LSAMP: variants seen among roughly 807,000 people sequenced by gnomAD.
LSAMP encodes limbic system associated membrane protein.
Under a neutral mutation model 38.6 loss-of-function variants are expected in LSAMP, and 7 were observed. The ratio of observed to expected loss-of-function variants is 0.18; its 90% CI spans 0.10 to 0.34. The LOEUF (loss-of-function observed/expected upper bound fraction) is 0.34, where lower values mean the gene tolerates loss of function less well. LSAMP is among the 10% of genes least tolerant of loss of function. The probability of loss-of-function intolerance (pLI) is 1.00; values close to 1 mark genes in which losing one functional copy is unlikely to be tolerated. For missense variants in LSAMP, 313 were observed against 420.0 expected (o/e 0.75, Z 2.23); for synonymous variants, 154 against 166.8 (o/e 0.92, Z 0.59).
intron 3 of LSAMP, among the ~76,000 whole-genome samples, chr3:115,949,210 G>A (rs1323635557): frequency 6.6e-6 from 1 of 152,164 alleles, no homozygotes; most frequent in Non-Finnish European, 1.5e-5. Context: ...AGTGAGCCAA[G>A]ATTGGGCCAC....
At chr3:116,145,453 T>C (rs1327120253) in intron 1 of LSAMP, among the ~76,000 whole-genome samples, 1 of 151,966 alleles carries the variant, frequency 6.6e-6, no homozygotes, top group Non-Finnish European at 1.5e-5. Context: ...AATGCTGTAG[T>C]TGTGAGTCCA....
At chr3:116,116,465 G>A (rs1708747957) in intron 1 of LSAMP, among the ~76,000 whole-genome samples, 1 of 150,660 alleles carries the variant, frequency 6.6e-6, no homozygotes, top group Admixed American at 6.6e-5. Flanking sequence ...GGGAGGCCGA[G>A]GCAGGCGGGT....
intron 1 of LSAMP, among the ~76,000 whole-genome samples, chr3:116,158,341 T>C (rs1266625814): frequency 6.6e-6 from 1 of 152,148 alleles, no homozygotes; most frequent in Middle Eastern, 3.4e-3. Flanking sequence ...CCTAGTACTA[T>C]AAGTCCTCTC....
At chr3:116,305,423 T>C (rs1339336703) in intron 1 of LSAMP, among the ~76,000 whole-genome samples, 2 of 152,254 alleles carry the variant, frequency 1.3e-5, no homozygotes, top group East Asian at 3.9e-4. Context: ...TGAGGCAAGA[T>C]GCCCTTGAAC....
intron 1 of LSAMP, among the ~76,000 whole-genome samples, chr3:116,147,883 A>C (rs1243853888): frequency 1.3e-5 from 2 of 151,936 alleles, no homozygotes; most frequent in Non-Finnish European, 2.9e-5. Flanking sequence ...CAATTGCAAA[A>C]TAGGAAAAAT....
At chr3:116,272,419 C>T (rs951319008) in intron 1 of LSAMP, among the ~76,000 whole-genome samples, 2 of 152,114 alleles carry the variant, frequency 1.3e-5, no homozygotes, top group African/African-American at 2.4e-5. Context: ...TTGCACTTAT[C>T]GAAGCACTGA....
chr3:116,335,412 T>C (rs2047905710), intron 1 of LSAMP, among the ~76,000 whole-genome samples: 1 of 151,976 alleles, frequency 6.6e-6, no homozygotes, highest in Non-Finnish European at 1.5e-5. Context: ...GTCAAAACAA[T>C]ATTTAAAAAC....
At chr3:115,820,871 T>A (rs1934206613) in intron 6 of LSAMP, among the ~76,000 whole-genome samples, 1 of 152,198 alleles carries the variant, frequency 6.6e-6, no homozygotes, top group Non-Finnish European at 1.5e-5. Context: ...GTGAGATTAT[T>A]CTTGGGAATT....
At chr3:116,352,529 T>C (rs1321551680) in intron 1 of LSAMP, among the ~76,000 whole-genome samples, 1 of 152,016 alleles carries the variant, frequency 6.6e-6, no homozygotes, top group East Asian at 1.9e-4. Context: ...AGTCTAATGA[T>C]GGGTCGTTAA....
chr3:116,343,055 T>A (rs950360873), intron 1 of LSAMP, among the ~76,000 whole-genome samples: 4 of 152,044 alleles, frequency 2.6e-5, no homozygotes, highest in Non-Finnish European at 5.9e-5. Context: ...TAATGAAGTA[T>A]AATGGGTTAG....
intron 1 of LSAMP, among the ~76,000 whole-genome samples, chr3:116,206,797 A>C (rs2046075667): frequency 6.6e-6 from 1 of 151,168 alleles, no homozygotes; most frequent in Admixed American, 6.6e-5. Context: ...GTTCTTTTAC[A>C]TTTGCTGAGG....
chr3:116,355,369 A>T (rs2048208461), intron 1 of LSAMP, among the ~76,000 whole-genome samples: 1 of 152,226 alleles, frequency 6.6e-6, no homozygotes, highest in Non-Finnish European at 1.5e-5. Context: ...TGGTCCTGAG[A>T]AAACTGGATA....
chr3:116,115,604 A>G (rs1318466312), intron 1 of LSAMP, among the ~76,000 whole-genome samples: 2 of 152,144 alleles, frequency 1.3e-5, no homozygotes, highest in Non-Finnish European at 2.9e-5. Flanking sequence ...GTGACTTCTT[A>G]AGATTTGTGA....
intron 1 of LSAMP, among the ~76,000 whole-genome samples, chr3:116,120,817 G>T (rs1356266468): frequency 1.3e-5 from 2 of 152,186 alleles, no homozygotes; most frequent in African/African-American, 4.8e-5. Context: ...ACCTTTCTAA[G>T]CTCTTCATAA....
At chr3:116,123,418 A>G (rs1338582622) in intron 1 of LSAMP, among the ~76,000 whole-genome samples, 1 of 152,254 alleles carries the variant, frequency 6.6e-6, no homozygotes, top group Non-Finnish European at 1.5e-5. Context: ...AATGGCAACA[A>G]AAGTCTAGGT....
intron 1 of LSAMP, among the ~76,000 whole-genome samples, chr3:116,422,355 T>C (rs2049139528): frequency 6.6e-6 from 1 of 152,270 alleles, no homozygotes; most frequent in Admixed American, 6.5e-5. Flanking sequence ...AAAAGCAATA[T>C]AGTATAACAA....
chr3:115,834,300 A>G (rs962045816), intron 6 of LSAMP, among the ~76,000 whole-genome samples: 3 of 152,116 alleles, frequency 2.0e-5, no homozygotes, highest in African/African-American at 7.2e-5. Context: ...GACTGTAGAA[A>G]AAAATTGCTT....
intron 2 of LSAMP, among the ~76,000 whole-genome samples, chr3:116,058,141 T>C (rs1941525841): frequency 6.6e-6 from 1 of 152,184 alleles, no homozygotes; most frequent in South Asian, 2.1e-4. Context: ...GCAGCTTTAT[T>C]ATGGAAGCAA....
chr3:115,823,666 A>C (rs1412661607), intron 6 of LSAMP, among the ~76,000 whole-genome samples: 5 of 152,194 alleles, frequency 3.3e-5, no homozygotes, highest in African/African-American at 1.2e-4. Context: ...AAATGTGGAG[A>C]AAAGGAAATA....
Sources: gnomAD v4.1 joint callset for allele counts (sites outside exome capture counted in the v4.1 genomes callset) on GRCh38, gnomAD v4.1.1 for gene constraint, MANE v1.5 for transcripts, NCBI Gene and HGNC (gene_info 2026-07-23, HGNC 2026-07-21) for gene names.